The following ANK3 variants were observed in gnomAD, a reference collection of about 807,000 sequenced individuals.
The protein encoded by ANK3 is ankyrin-3.
In ANK3, 57 loss-of-function variants were observed where a neutral mutation model predicts 370.9. The observed-to-expected ratio is 0.15, with a 90% confidence interval of 0.12 to 0.19. The LOEUF (loss-of-function observed/expected upper bound fraction) is 0.19. ANK3 is among the 10% of genes least tolerant of loss of function. ANK3 has a pLI of 1.00. For missense variants in ANK3, 4,439 were observed against 5,302.1 expected (o/e 0.84, Z 5.06); for synonymous variants, 1,929 against 1,946.3 (o/e 0.99, Z 0.23).
At chr10:60,375,496 TG>T (rs111983862) in intron 1 of ANK3, among the ~76,000 whole-genome samples, 6 of 142,080 alleles carry the variant, frequency 4.2e-5, no homozygotes, top group African/African-American at 8.0e-5. Context: ...AAGGCCTGCC[TG>T]GGGGGGGAGG....
At chr10:60,510,277 T>C (rs1434077692) in intron 2 of ANK3, among the ~76,000 whole-genome samples, 1 of 152,070 alleles carries the variant, frequency 6.6e-6, no homozygotes, top group African/African-American at 2.4e-5. Context: ...GTACTTTCTA[T>C]CGTGAAGACT....
upstream of ANK3, among the ~76,000 whole-genome samples, chr10:60,394,825 C>G (rs2063182928): frequency 6.6e-6 from 1 of 152,082 alleles, no homozygotes; most frequent in South Asian, 2.1e-4. Flanking sequence ...GGCAGCTGGA[C>G]CAGATGACTT....
At position 60,071,060 on chromosome 10, in the gene ANK3, A is replaced by G. The variant is rs1333637150; in HGVS notation, c.9821T>C (p.Leu3274Pro). The part of the protein sequence containing the change: ...QIESDKKHHY[L>P]PEKEVDMIEV... Reference sequence around the variant, plus strand: ...AATCATGTCAACCTCTTTTTCTGGGAGATAATGATGCTTCTTATCTGACTC... The same window carrying G: ...AATCATGTCAACCTCTTTTTCTGGGGGATAATGATGCTTCTTATCTGACTC... The change falls in exon 37 of 44, where the codon CTC (leucine) becomes CCC (proline). Residue 3274 changes from leucine to proline, a missense_variant. Transcript: ENST00000280772. 6.2e-7 allele frequency: 1 copy of G among 1,614,040 alleles called. No individual in the cohort carries two copies. The highest frequency in any genetic ancestry group is 1.3e-5 in the African/African-American group (1 of 74,906).
intron 26 of ANK3, among the ~76,000 whole-genome samples, chr10:60,109,996 G>C (rs2092572025): frequency 6.6e-6 from 1 of 152,062 alleles, no homozygotes; most frequent in South Asian, 2.1e-4. Context: ...TCAGACAGGG[G>C]AACACAAATA....
chr10:60,321,995 T>A (rs1273780095), intron 1 of ANK3, among the ~76,000 whole-genome samples: 2 of 152,202 alleles, frequency 1.3e-5, no homozygotes, highest in Non-Finnish European at 2.9e-5. Context: ...TGGACCTCCC[T>A]ACTTTTGTAA....
At chr10:60,566,478 A>G (rs1379670554) in intron 2 of ANK3, among the ~76,000 whole-genome samples, 1 of 152,184 alleles carries the variant, frequency 6.6e-6, no homozygotes, top group African/African-American at 2.4e-5. Flanking sequence ...CAAGTTTTTG[A>G]AGGAAATTAA....
chr10:60,279,891 T>G (rs535156662), intron 1 of ANK3, among the ~76,000 whole-genome samples: 1 of 152,136 alleles, frequency 6.6e-6, no homozygotes, highest in Non-Finnish European at 1.5e-5. Flanking sequence ...TCCTATAAAG[T>G]ATAGGCACCT....
chr10:60,706,317 A>C (rs12260412), intron 1 of ANK3, among the ~76,000 whole-genome samples: 1 of 152,146 alleles, frequency 6.6e-6, no homozygotes, highest in Non-Finnish European at 1.5e-5. Flanking sequence ...AAACATTCCA[A>C]CCATAAGATA....
intron 1 of ANK3, among the ~76,000 whole-genome samples, chr10:60,339,068 G>T (rs2053677156): frequency 6.6e-6 from 1 of 151,902 alleles, no homozygotes. Context: ...TCTTTTCTTT[G>T]TTAGTACCAA....
chr10:60,595,372 C>A (rs2077973060), intron 2 of ANK3, among the ~76,000 whole-genome samples: 1 of 152,022 alleles, frequency 6.6e-6, no homozygotes, highest in Non-Finnish European at 1.5e-5. Flanking sequence ...ATGGGGAATG[C>A]TGATTGGTTA....
rs1475768793 is a variant in ANK3, at chr10:60,076,260, A to G, written c.4621T>C (p.Trp1541Arg). 1.9e-6 allele frequency: 3 copies of G among 1,614,174 alleles called. No individual in the cohort carries two copies. Among genetic ancestry groups the G allele is most frequent in the Non-Finnish European group, 2.5e-6 (3 of 1,179,986 alleles). The change falls in exon 37 of 44, where the codon TGG becomes CGG. Residue 1541 changes from tryptophan to arginine, a missense_variant. Around this residue, in one of 13 missense-constraint regions of ANK3, gnomAD observed 679 missense variants for 791.0 expected, o/e 0.86. Transcript: ENST00000280772. ...TPSASPLKSI[W>R]SVSTPSPIKS... is the part of the protein sequence containing the mutation. ...ATTGGAGAAGGTGTCGAAACAGACCATATTGATTTTAACGGAGAAGCTGAT... is the reference window on the plus strand; with the variant it reads ...ATTGGAGAAGGTGTCGAAACAGACCGTATTGATTTTAACGGAGAAGCTGAT...
intron 23 of ANK3, among the ~76,000 whole-genome samples, chr10:60,163,102 TTTC>T (rs1205926396): frequency 2.6e-5 from 4 of 152,164 alleles, no homozygotes; most frequent in Admixed American, 2.6e-4. Context: ...CTCCTTTCTC[TTTC>T]TTCTTCCTTC....
intron 2 of ANK3, among the ~76,000 whole-genome samples, chr10:60,488,573 T>C (rs932317655): frequency 6.6e-6 from 1 of 152,126 alleles, no homozygotes. Flanking sequence ...GTTCTCCCCT[T>C]TCTCCCAGCC....
Position 60,322,795 on chromosome 10 carries a change from T to TG in ANK3, c.115-43157dup, listed in dbSNP as rs1047390920. ...TACTATTCCAGAGGGTGAAAACCTATGGGGGGGAAAAAAAATCTAGTGGTT... is the reference window on the plus strand; with the variant it reads ...TACTATTCCAGAGGGTGAAAACCTATGGGGGGGGAAAAAAAATCTAGTGGTT... On this transcript the variant is annotated intron_variant, in intron 1 of 43. Transcript: ENST00000280772. Among the ~76,000 whole-genome samples, 63 of 149,132 alleles carry TG rather than the reference T, an allele frequency of 4.2e-4. 1 individual carries two copies. The highest frequency in any genetic ancestry group is 3.2e-4 in the African/African-American group (13 of 40,882).
chr10:60,459,104 G>T (rs1333986477), intron 2 of ANK3, among the ~76,000 whole-genome samples: 1 of 152,134 alleles, frequency 6.6e-6, no homozygotes, highest in Non-Finnish European at 1.5e-5. Flanking sequence ...GTACTCAACT[G>T]TGTCTTGACA....
intron 1 of ANK3, among the ~76,000 whole-genome samples, chr10:60,732,191 A>C (rs918538827): frequency 6.6e-6 from 1 of 152,090 alleles, no homozygotes; most frequent in Non-Finnish European, 1.5e-5. Flanking sequence ...TAAAAAAAAA[A>C]CCAAAAGTCC....
chr10:60,260,633 A>T (rs935953304), intron 7 of ANK3, among the ~76,000 whole-genome samples: 7 of 152,198 alleles, frequency 4.6e-5, no homozygotes, highest in Admixed American at 2.0e-4. Context: ...AGGACTTCTC[A>T]TGAATGGTTT....
chr10:60,682,197 G>A (rs75997566), intron 1 of ANK3, among the ~76,000 whole-genome samples: 1,846 of 152,076 alleles, frequency 0.012, 37 homozygotes, highest in African/African-American at 0.042. Flanking sequence ...ATGAGAAAAC[G>A]GAGGCTTAGA....
chr10:60,319,790 G>T (rs901571813), intron 1 of ANK3, among the ~76,000 whole-genome samples: 1 of 152,144 alleles, frequency 6.6e-6, no homozygotes, highest in Admixed American at 6.5e-5. Context: ...TATATTGATT[G>T]GCCTAAAAGT....
Sources: gnomAD v4.1 joint callset for allele counts (sites outside exome capture counted in the v4.1 genomes callset) on GRCh38, gnomAD v4.1.1 for gene constraint, gnomAD v4.1.1 regional missense constraint, MANE v1.5 for transcripts, NCBI Gene and HGNC (gene_info 2026-07-23, HGNC 2026-07-21) for gene names.